Variants in MYO1D observed in about 807,000 individuals in gnomAD.
The protein encoded by MYO1D is unconventional myosin-Id.
MYO1D carries 83 observed loss-of-function variants against 122.0 expected under a neutral mutation model. The ratio of observed to expected loss-of-function variants is 0.68; its 90% confidence interval spans 0.57 to 0.82. The LOEUF (loss-of-function observed/expected upper bound fraction) is 0.82. Ranked by LOEUF, MYO1D falls within the 40% of genes least tolerant of loss-of-function variation. The pLI is 0.00. For missense variants in MYO1D, 1,157 were observed against 1,269.5 expected, an observed-to-expected ratio of 0.91 and a Z score of 1.35; for synonymous variants, 464 against 446.9, an observed-to-expected ratio of 1.04 and a Z score of -0.48.
At chr17:32,807,642 TG>T (rs1162796797) in intron 1 of MYO1D, among the ~76,000 whole-genome samples, 1 of 152,196 alleles carries the variant, frequency 6.6e-6, no homozygotes, top group Non-Finnish European at 1.5e-5. Flanking sequence ...CACACACTTC[TG>T]GGCCAAAGCA....
rs137943968 is a variant in MYO1D at position 32,713,758 on chromosome 17, T to C, written c.1914-1563A>G. On this transcript the variant is annotated intron_variant, in intron 15 of 21. Coordinates refer to ENST00000318217, the MANE Select transcript of MYO1D (RefSeq NM_015194.3). ...TCTCCTGCCTCAGCCTCCTGAGCAG[T>C]TGGGATTACAGGCAACTACCAAGCC... Among the ~76,000 whole-genome samples, 733 of 152,144 alleles carry C rather than the reference T, an allele frequency of 4.8e-3. 10 individuals are homozygous for C. Among genetic ancestry groups the C allele is most frequent in the African/African-American group, 0.014 (591 of 41,506 alleles).
intron 1 of MYO1D, among the ~76,000 whole-genome samples, chr17:32,869,654 G>A (rs1022186706): frequency 6.6e-6 from 1 of 152,156 alleles, no homozygotes; most frequent in Non-Finnish European, 1.5e-5. Flanking sequence ...TCCACATAGA[G>A]CTAATATGGA....
intron 19 of MYO1D, among the ~76,000 whole-genome samples, chr17:32,647,835 C>G (rs1306017077): frequency 6.6e-6 from 1 of 152,060 alleles, no homozygotes; most frequent in Non-Finnish European, 1.5e-5. Context: ...TAACCCACCC[C>G]AAGATACTGC....
intron 1 of MYO1D, among the ~76,000 whole-genome samples, chr17:32,825,335 A>G (rs1428912197): frequency 1.3e-5 from 2 of 152,038 alleles, no homozygotes; most frequent in African/African-American, 4.8e-5. Context: ...TCCAATGTCT[A>G]GGCTGGAGTA....
chr17:32,644,278 AC>A, intron 19 of MYO1D, among the ~76,000 whole-genome samples: 1 of 152,238 alleles, frequency 6.6e-6, no homozygotes, highest in Admixed American at 6.5e-5. Context: ...GGTCTGAGAG[AC>A]AGTTTGTTAT....
Position 32,755,615 on chromosome 17 carries a change from C to T in MYO1D, c.1344G>A (p.Gln448=), listed in dbSNP as rs1192613023. ...CAAGGATTGCAATGATCCCTTTGTG[C>T]TGTTGCTCCACGAGGTCAACAATGA... ...NQIIVDLVEQ[Q]HKGIIAILDD... Residue 448 remains glutamine (Q), a synonymous_variant, in exon 11 of 22, where the codon CAG becomes CAA. Coordinates refer to ENST00000318217, the MANE Select transcript of MYO1D (RefSeq NM_015194.3). 4 of 1,613,698 alleles carry T rather than the reference C, an allele frequency of 2.5e-6. No individual in the cohort carries two copies. The highest frequency in any genetic ancestry group is 3.4e-6 in the Non-Finnish European group (4 of 1,179,798).
At chr17:32,683,002 T>C (rs2088944512) in intron 16 of MYO1D, among the ~76,000 whole-genome samples, 1 of 115,966 alleles carries the variant, frequency 8.6e-6, no homozygotes, top group African/African-American at 3.6e-5. Flanking sequence ...ATTCATTTCA[T>C]CTTCCATCGC....
intron 15 of MYO1D, among the ~76,000 whole-genome samples, chr17:32,717,817 A>G (rs1224116819): frequency 6.6e-6 from 1 of 152,212 alleles, no homozygotes. Context: ...GAACAAATGT[A>G]TTTTTAAGTT....
chr17:32,523,436 G>C (rs1326688370), intron 21 of MYO1D: 1 of 152,182 alleles, frequency 6.6e-6, no homozygotes, highest in Non-Finnish European at 1.5e-5. Context: ...CATTCATCGA[G>C]TCCATGAGAG....
chr17:32,789,353 C>T (rs117301781), intron 1 of MYO1D, among the ~76,000 whole-genome samples: 349 of 152,212 alleles, frequency 2.3e-3, no homozygotes, highest in Non-Finnish European at 4.1e-3. Flanking sequence ...CTAGTTCTCA[C>T]GGGGAATGCT....
At chr17:32,517,034 C>T (rs1909916733) in intron 21 of MYO1D, among the ~76,000 whole-genome samples, 2 of 151,688 alleles carry the variant, frequency 1.3e-5, no homozygotes, top group Admixed American at 1.3e-4. Context: ...ATAAAAACGA[C>T]ACCACTGCTT....
chr17:32,673,344 T>C (rs1003514800), intron 16 of MYO1D, among the ~76,000 whole-genome samples: 2 of 151,978 alleles, frequency 1.3e-5, no homozygotes, highest in African/African-American at 4.8e-5. Context: ...GCTCAGGCAA[T>C]CTGCCTGCCT....
At chr17:32,599,630 T>C (rs1397344457) in intron 21 of MYO1D, among the ~76,000 whole-genome samples, 3 of 152,178 alleles carry the variant, frequency 2.0e-5, no homozygotes, top group Admixed American at 1.3e-4. Context: ...TTATGGCAGC[T>C]GTGGCCTTAT....
Position 32,494,681 on chromosome 17 carries a change from T to G in MYO1D, c.*78A>C, listed in dbSNP as rs1054631689. The G allele has an allele frequency of 4.1e-6, 6 of 1,446,136 alleles. No individual in the cohort carries two copies. Among genetic ancestry groups the G allele is most frequent in the Non-Finnish European group, 5.5e-6 (6 of 1,086,290 alleles). 89.6% of individuals were successfully genotyped at this position (1,446,136 alleles called of 1,614,324 possible). A position where few individuals can be genotyped will look rare whatever the true frequency, so the allele number is the denominator to read the frequency against. On this transcript the variant is annotated 3_prime_UTR_variant, in exon 22 of 22. Coordinates refer to ENST00000318217, the MANE Select transcript of MYO1D (RefSeq NM_015194.3). ...CCTCGCAGCAGGTTTCTAGCGGGCA[T>G]GGGTTGGGAGGCAGCAGCTGGACTG...
Position 32,494,792 on chromosome 17 carries a change from G to A in MYO1D, c.2988C>T (p.Arg996=), listed in dbSNP as rs1909027281. ...CGGGCACGCTGAGGATGAAGCCCGAGCGATTCTTGGTGAAGTCGGGCTGGG... is the reference window on the plus strand; with the variant it reads ...CGGGCACGCTGAGGATGAAGCCCGAACGATTCTTGGTGAAGTCGGGCTGGG... ...NQPQPDFTKN[R]SGFILSVPGN Residue 996 remains arginine, a synonymous_variant, in exon 22 of 22, where the codon CGC becomes CGT. Coordinates refer to ENST00000318217, the MANE Select transcript of MYO1D (RefSeq NM_015194.3). 3 of 1,612,102 alleles carry A rather than the reference G, an allele frequency of 1.9e-6. No individual in the cohort carries two copies. Among genetic ancestry groups the A allele is most frequent in the East Asian group, 2.2e-5 (1 of 44,754 alleles).
chr17:32,841,015 C>A (rs1394534517), intron 1 of MYO1D, among the ~76,000 whole-genome samples: 1 of 152,146 alleles, frequency 6.6e-6, no homozygotes, highest in East Asian at 1.9e-4. Context: ...ATAAAATAGG[C>A]TTTATGTTAG....
chr17:32,805,725 T>C (rs913186811), intron 1 of MYO1D, among the ~76,000 whole-genome samples: 2 of 152,150 alleles, frequency 1.3e-5, no homozygotes, highest in Non-Finnish European at 2.9e-5. Context: ...AGTCTAACCC[T>C]GATCAAGGCA....
intron 21 of MYO1D, among the ~76,000 whole-genome samples, chr17:32,589,871 T>G (rs1279841208): frequency 6.6e-6 from 1 of 152,208 alleles, no homozygotes. Flanking sequence ...TGATTTCTGG[T>G]TTTATTACTG....
In MYO1D at chr17:32,613,789, CAAAAAAAAAA is replaced by C. The variant is rs60701225; in HGVS notation, c.2710-8558_2710-8549del. ...TGGGCGACAGAGCAAGATTCCATCT[CAAAAAAAAAA>C]AAAAAAAAAAAAAAAGAAATACCTC... On this transcript the variant is annotated intron_variant, in intron 20 of 21. Coordinates refer to ENST00000318217, the MANE Select transcript of MYO1D (RefSeq NM_015194.3). Among the ~76,000 whole-genome samples, 5 of 51,042 alleles carry C rather than the reference CAAAAAAAAAA, an allele frequency of 9.8e-5. No homozygotes were observed. The Admixed American group carries it at 1.0e-3, about 10-fold the overall frequency. 33.5% of individuals were successfully genotyped at this position (51,042 alleles called of 152,430 possible). A position where few individuals can be genotyped will look rare whatever the true frequency, so the allele number is the denominator to read the frequency against.
Sources: gnomAD v4.1 joint callset for allele counts (sites outside exome capture counted in the v4.1 genomes callset) on GRCh38, gnomAD v4.1.1 for gene constraint, MANE v1.5 for transcripts, NCBI Gene and HGNC (gene_info 2026-07-23, HGNC 2026-07-21) for gene names.